The following ARMH3 variants were observed in gnomAD, a reference collection of about 807,000 sequenced individuals.
The protein encoded by ARMH3 is armadillo like helical domain containing 3.
Under a neutral mutation model 99.1 loss-of-function variants are expected in ARMH3, and 60 were observed. The ratio of observed to expected loss-of-function variants is 0.61; its 90% CI spans 0.49 to 0.75. The LOEUF (loss-of-function observed/expected upper bound fraction) is 0.75. ARMH3 is among the 30% of genes least tolerant of loss of function. The probability of loss-of-function intolerance (pLI) is 0.00; values close to 1 mark genes in which losing one functional copy is unlikely to be tolerated. For synonymous variants in ARMH3, 285 were observed against 292.8 expected (o/e 0.97, Z 0.27); for missense variants, 679 against 843.1 (o/e 0.81, Z 2.41).
chr10:101,915,045 T>C (rs956431307), intron 23 of ARMH3, among the ~76,000 whole-genome samples: 5 of 152,098 alleles, frequency 3.3e-5, no homozygotes, highest in African/African-American at 1.2e-4. Context: ...TTGACATAGA[T>C]GGCTATTTGA....
chr10:102,037,052 AAAAT>A (rs940175292), intron 2 of ARMH3, among the ~76,000 whole-genome samples: 20 of 151,834 alleles, frequency 1.3e-4, no homozygotes, highest in African/African-American at 3.4e-4. Context: ...ACACCACCTC[AAAAT>A]AAATAAATAA....
Position 102,006,925 on chromosome 10 carries a change from G to A in ARMH3, c.955-292C>T, listed in dbSNP as rs190628300. 2.2e-4 allele frequency among the ~76,000 whole-genome samples: 33 copies of A among 151,920 alleles called. 2 individuals carry two copies. In the East Asian group the frequency reaches 6.2e-3, roughly 29 times the overall value. ...ATCACACCCATAATCCCAGCACTTAGGGAGGCCTGGGCAGATCACAAGGTC... is the reference window on the plus strand; with the variant it reads ...ATCACACCCATAATCCCAGCACTTAAGGAGGCCTGGGCAGATCACAAGGTC... On this transcript the variant is annotated intron_variant, in intron 13 of 25. Transcript: ENST00000370033.
chr10:101,990,697 C>A, intron 18 of ARMH3, 86 bp from the exon 19 acceptor site: 6 of 996,030 alleles, frequency 6.0e-6, no homozygotes, highest in South Asian at 1.3e-5. Flanking sequence ...TCTGAGTACA[C>A]CTTGCACTCA....
At chr10:102,028,434 C>T (rs1350255946) in intron 5 of ARMH3, among the ~76,000 whole-genome samples, 2 of 152,148 alleles carry the variant, frequency 1.3e-5, no homozygotes, top group Non-Finnish European at 2.9e-5. Flanking sequence ...GAAACTTATA[C>T]ATGAACATTC....
intron 24 of ARMH3, among the ~76,000 whole-genome samples, chr10:101,875,978 G>A (rs1441818015): frequency 1.3e-5 from 2 of 152,104 alleles, no homozygotes; most frequent in African/African-American, 4.8e-5. Context: ...GCTTGGCGCA[G>A]TGGTTCACGC....
intron 22 of ARMH3, among the ~76,000 whole-genome samples, chr10:101,946,652 C>T (rs1243082215): frequency 1.3e-5 from 2 of 151,806 alleles, no homozygotes; most frequent in African/African-American, 4.8e-5. Context: ...GGGACAGGGC[C>T]TCAGAAACAT....
intron 20 of ARMH3, 82 bp from the exon 21 acceptor site, chr10:101,957,814 A>G: frequency 6.7e-7 from 1 of 1,482,826 alleles, no homozygotes; most frequent in Non-Finnish European, 8.9e-7. Context: ...TAGCTCTAAA[A>G]AAAATCCAGA....
intron 11 of ARMH3, among the ~76,000 whole-genome samples, 197 bp downstream of exon 11, chr10:102,011,525 CA>C (rs1317845024): frequency 2.0e-5 from 3 of 151,262 alleles, no homozygotes; most frequent in African/African-American, 7.3e-5. Flanking sequence ...AAAGGTACAT[CA>C]AAAGTGGGGA....
chr10:101,904,978 A>C (rs1183059942), intron 23 of ARMH3, among the ~76,000 whole-genome samples: 1 of 151,988 alleles, frequency 6.6e-6, no homozygotes, highest in Non-Finnish European at 1.5e-5. Flanking sequence ...AAAGAAAGAA[A>C]AAACAACTCA....
rs765785096 is a variant in ARMH3 at position 102,029,749 on chromosome 10, C to T, written c.307-4G>A. 1 of 1,607,746 alleles carries T rather than the reference C, an allele frequency of 6.2e-7. No homozygotes were observed. The highest frequency in any genetic ancestry group is 1.1e-5 in the South Asian group (1 of 90,974). On this transcript the variant is annotated splice_polypyrimidine_tract_variant and splice_region_variant and intron_variant, in intron 4 of 25. Transcript: ENST00000370033. Reference sequence around the variant, plus strand: ...CTCGAATGAGTGCGCACAGGGTCTGCAGAAATGAGAGAAAGAATTCTTTCT... The same window carrying T: ...CTCGAATGAGTGCGCACAGGGTCTGTAGAAATGAGAGAAAGAATTCTTTCT...
chr10:102,039,432 C>T (rs1194007591), intron 2 of ARMH3, among the ~76,000 whole-genome samples: 4 of 152,182 alleles, frequency 2.6e-5, no homozygotes, highest in African/African-American at 7.2e-5. Flanking sequence ...CGGGAGCCAC[C>T]GCGCCCAGCC....
In ARMH3 at chr10:101,947,287, G is replaced by A. The variant is rs181298514; in HGVS notation, c.1706-7349C>T. On this transcript the variant is annotated intron_variant, in intron 22 of 25. Coordinates refer to ENST00000370033, the MANE Select transcript of ARMH3 (RefSeq NM_024541.3). ...TTATTTTCAGAAACCATGGAGGCCA[G>A]AAAAAGGAGAATAATAGCTTCAAAG... Among the ~76,000 whole-genome samples the A allele has an allele frequency of 8.1e-3, 1,232 of 152,216 alleles. 55 individuals carry two copies. Among genetic ancestry groups the A allele is most frequent in the Admixed American group, 0.068 (1,038 of 15,288 alleles).
At chr10:102,036,911 G>A (rs1275429290) in intron 2 of ARMH3, among the ~76,000 whole-genome samples, 2 of 150,828 alleles carry the variant, frequency 1.3e-5, no homozygotes, top group Admixed American at 6.6e-5. Flanking sequence ...AATTAGCCAG[G>A]CATGGTGGCA....
intron 21 of ARMH3, 54 bp downstream of exon 21, chr10:101,957,596 A>G: frequency 1.4e-5 from 22 of 1,549,828 alleles, no homozygotes; most frequent in Non-Finnish European, 1.9e-5. Context: ...AAACCAGTGC[A>G]TTTCTGCCTT....
chr10:102,003,976 A>G (rs532845586), intron 14 of ARMH3, among the ~76,000 whole-genome samples: 1 of 152,320 alleles, frequency 6.6e-6, no homozygotes, highest in East Asian at 1.9e-4. Context: ...ACCCGTAATC[A>G]TCCCTTTGTC....
At chr10:101,977,635 AGG>A (rs1240403554) in intron 19 of ARMH3, among the ~76,000 whole-genome samples, 1 of 152,256 alleles carries the variant, frequency 6.6e-6, no homozygotes, top group Non-Finnish European at 1.5e-5. Flanking sequence ...ATTAAAAGGC[AGG>A]GCCTTTAAGA....
At chr10:101,978,711 G>A (rs906608243) in intron 19 of ARMH3, among the ~76,000 whole-genome samples, 1 of 152,186 alleles carries the variant, frequency 6.6e-6, no homozygotes, top group African/African-American at 2.4e-5. Context: ...GGAGGCCAAG[G>A]TGTGTGGATC....
At chr10:101,940,251 T>C (rs552353106) in intron 22 of ARMH3, among the ~76,000 whole-genome samples, 1 of 152,210 alleles carries the variant, frequency 6.6e-6, no homozygotes, top group Admixed American at 6.5e-5. Flanking sequence ...ATTTACAATC[T>C]GCACTGGGGT....
chr10:101,967,143 A>C (rs1173309189), intron 20 of ARMH3, among the ~76,000 whole-genome samples: 1 of 152,186 alleles, frequency 6.6e-6, no homozygotes, highest in Non-Finnish European at 1.5e-5. Context: ...ACAGAACCCA[A>C]ATCAAAACCT....
Sources: allele counts gnomAD v4.1 joint callset (sites outside exome capture counted in the v4.1 genomes callset), GRCh38; gene constraint gnomAD v4.1.1; transcripts MANE v1.5; gene names NCBI Gene and HGNC (gene_info 2026-07-23, HGNC 2026-07-21).